The following PIK3CD variants were observed in gnomAD, a reference collection of about 807,000 sequenced individuals.
PIK3CD encodes phosphatidylinositol 4,5-bisphosphate 3-kinase catalytic subunit delta isoform.
PIK3CD carries 20 observed loss-of-function variants against 122.9 expected under a neutral mutation model. That is an observed-to-expected ratio of 0.16 (90% confidence interval 0.11 to 0.24). The LOEUF is 0.24. Among genes scored for constraint, PIK3CD ranks in the 10% least tolerant of loss-of-function variants. PIK3CD has a pLI of 1.00. For synonymous variants in PIK3CD, 596 were observed against 593.4 expected, an observed-to-expected ratio of 1.00 and a Z score of -0.06; for missense variants, 787 against 1,406.3, an observed-to-expected ratio of 0.56 and a Z score of 7.04.
chr1:9,707,636 T>C (rs1399267304), intron 2 of PIK3CD, among the ~76,000 whole-genome samples: 1 of 152,088 alleles, frequency 6.6e-6, no homozygotes, highest in Non-Finnish European at 1.5e-5. Context: ...CTACATTAGT[T>C]TGCTGAGGAT....
rs552320344 is a variant in PIK3CD, at chr1:9,727,416, G to C, written c.*370G>C. ...GACTGCCTGGGTCCTGGCGCCTGGCGGTCACCTGGTGCCTACTGTCCGACA... is the reference window on the plus strand; with the variant it reads ...GACTGCCTGGGTCCTGGCGCCTGGCCGTCACCTGGTGCCTACTGTCCGACA... On this transcript the variant is annotated 3_prime_UTR_variant, in exon 24 of 24. Transcript: ENST00000377346. 4.8e-6 allele frequency: 2 copies of C among 414,718 alleles called. No homozygotes were observed. Among genetic ancestry groups the C allele is most frequent in the African/African-American group, 2.0e-5 (1 of 49,670 alleles). The allele number at this position is 414,718 out of a possible 1,614,324, so 25.7% of individuals were successfully genotyped here.
intron 2 of PIK3CD, among the ~76,000 whole-genome samples, chr1:9,699,392 C>T (rs776104888): frequency 7.2e-5 from 11 of 152,150 alleles, no homozygotes; most frequent in Non-Finnish European, 1.0e-4. Context: ...CCCACAGCAG[C>T]CAAAGCCATC....
At chr1:9,692,261 T>A (rs535181253) in intron 2 of PIK3CD, among the ~76,000 whole-genome samples, 1 of 152,220 alleles carries the variant, frequency 6.6e-6, no homozygotes, top group East Asian at 1.9e-4. Context: ...ACATATTCTG[T>A]GTGTACCCAG....
chr1:9,702,819 T>G (rs1317554459), intron 2 of PIK3CD, among the ~76,000 whole-genome samples: 1 of 151,998 alleles, frequency 6.6e-6, no homozygotes, highest in African/African-American at 2.4e-5. Flanking sequence ...CCGTGCCCGG[T>G]CAGGGAAAGA....
At chr1:9,725,669 G>T (rs1310453459) in intron 23 of PIK3CD, among the ~76,000 whole-genome samples, 1 of 152,016 alleles carries the variant, frequency 6.6e-6, no homozygotes, top group Non-Finnish European at 1.5e-5. Context: ...ACGAGGTCAG[G>T]AGTTCGAGAT....
At chr1:9,658,444 TGGTTTTAGGG>T (rs1475972440) in intron 1 of PIK3CD, among the ~76,000 whole-genome samples, 2 of 129,380 alleles carry the variant, frequency 1.5e-5, no homozygotes, top group East Asian at 4.9e-4. Flanking sequence ...GGTGAGGTGG[TGGTTTTAGGG>T]GGATTGCCAC....
intron 2 of PIK3CD, among the ~76,000 whole-genome samples, chr1:9,708,218 C>CT (rs1198287352): frequency 6.6e-6 from 1 of 151,852 alleles, no homozygotes; most frequent in Non-Finnish European, 1.5e-5. Context: ...CAGTCTCACT[C>CT]TGTCATCCAG....
intron 1 of PIK3CD, among the ~76,000 whole-genome samples, chr1:9,667,516 A>G (rs535828890): frequency 6.6e-6 from 1 of 151,870 alleles, no homozygotes; most frequent in Non-Finnish European, 1.5e-5. Flanking sequence ...AGCTGGGACC[A>G]CAGGCTCACG....
chr1:9,691,882 C>G (rs1471272919), intron 2 of PIK3CD: 1 of 246,850 alleles, frequency 4.1e-6, no homozygotes, highest in Non-Finnish European at 7.7e-6. Context: ...TTGACTCACA[C>G]TGGCCACGGT....
intron 1 of PIK3CD, among the ~76,000 whole-genome samples, chr1:9,683,708 C>T (rs1645859407): frequency 6.6e-6 from 1 of 152,082 alleles, no homozygotes; most frequent in Non-Finnish European, 1.5e-5. Flanking sequence ...CCAAGCTCAG[C>T]GGTATAAAGC....
rs1168641933 is a variant in PIK3CD, at chr1:9,724,706, AG to A, written c.2865-96del. ...GTCCACCCATTATCAGGGCAAGGGC[AG>A]GTGTCCTTGGGGAAGGGGCTGGTTG... is the stretch of plus-strand genomic sequence containing the variant. On this transcript the variant is annotated intron_variant, in intron 22 of 23. Transcript: ENST00000377346. This position sits in a 1 kb window ranked among gnomAD's most constrained non-coding sequence, Gnocchi z 7.3. 6.8e-7 allele frequency: 1 copy of A among 1,477,320 alleles called. No homozygotes were observed. The highest frequency in any genetic ancestry group is 1.7e-5 in the Admixed American group (1 of 59,848). 91.5% of individuals were successfully genotyped at this position (1,477,320 alleles called of 1,614,324 possible). A position where few individuals can be genotyped will look rare whatever the true frequency, so the allele number is the denominator to read the frequency against.
At chr1:9,702,541 G>T (rs1319690782) in intron 2 of PIK3CD, among the ~76,000 whole-genome samples, 1 of 17,574 alleles carries the variant, frequency 5.7e-5, no homozygotes, top group African/African-American at 1.7e-4. Flanking sequence ...TTTTTTTGAG[G>T]CAGAGTTTTG....
intron 1 of PIK3CD, among the ~76,000 whole-genome samples, chr1:9,675,229 C>A (rs1358473260): frequency 2.0e-5 from 3 of 149,796 alleles, no homozygotes; most frequent in Non-Finnish European, 3.0e-5. Flanking sequence ...ACTAAAAATA[C>A]AAAAAAATTA....
intron 2 of PIK3CD, among the ~76,000 whole-genome samples, chr1:9,695,928 G>A (rs1449498579): frequency 6.6e-6 from 1 of 150,528 alleles, no homozygotes; most frequent in Non-Finnish European, 1.5e-5. Flanking sequence ...TAATTCTGAG[G>A]GAAATTAATT....
chr1:9,638,093 C>T, the PIK3CD span, among the ~76,000 whole-genome samples: 2 of 151,058 alleles, frequency 1.3e-5, no homozygotes, highest in African/African-American at 4.9e-5. Context: ...GGCAACAGAG[C>T]GAGACTCTGT....
rs1348145491 is a variant in PIK3CD, at chr1:9,670,619, G to A, written c.-138+18817G>A. Among the ~76,000 whole-genome samples, 4 of 152,102 alleles carry A rather than the reference G, an allele frequency of 2.6e-5. No homozygotes were observed. The East Asian group carries it at 5.8e-4, about 22-fold the overall frequency. On this transcript the variant is annotated intron_variant, in intron 1 of 23. Transcript: ENST00000377346. Reference sequence around the variant, plus strand: ...ATAGTACCTCTTTGACTGGATTGTCGTAGAGATGTCGTAAAGATTGGAAAT... The same window carrying A: ...ATAGTACCTCTTTGACTGGATTGTCATAGAGATGTCGTAAAGATTGGAAAT...
intron 2 of PIK3CD, among the ~76,000 whole-genome samples, chr1:9,705,175 A>T (rs1646781324): frequency 1.3e-5 from 2 of 151,968 alleles, no homozygotes; most frequent in Admixed American, 1.3e-4. Context: ...AACATTAAAA[A>T]CTTCTACTCA....
chr1:9,717,711 A>G lies in PIK3CD; in HGVS notation c.1020+85A>G. On this transcript the variant is annotated intron_variant, in intron 8 of 23. Coordinates refer to ENST00000377346, the MANE Select transcript of PIK3CD (RefSeq NM_005026.5). This position sits in a 1 kb window ranked among gnomAD's most constrained non-coding sequence, Gnocchi z 5.4. Reference sequence around the variant, plus strand: ...ATCCTGGAGGGGTAGCAGAGGAAGGAGGGGGATCACATGAAAGCCACCTGA... The same window carrying G: ...ATCCTGGAGGGGTAGCAGAGGAAGGGGGGGGATCACATGAAAGCCACCTGA... 8.0e-7 allele frequency: 1 copy of G among 1,245,012 alleles called. No homozygotes were observed. The highest frequency in any genetic ancestry group is 1.2e-6 in the Non-Finnish European group (1 of 860,724). The allele number at this position is 1,245,012 out of a possible 1,614,324, so 77.1% of individuals were successfully genotyped here.
intron 1 of PIK3CD, among the ~76,000 whole-genome samples, chr1:9,674,422 G>A (rs1018189916): frequency 1.3e-5 from 2 of 152,174 alleles, no homozygotes; most frequent in African/African-American, 4.8e-5. Context: ...GCTCATGCCT[G>A]TAACCCCAGC....
Sources: allele counts gnomAD v4.1 joint callset (sites outside exome capture counted in the v4.1 genomes callset), GRCh38; gene constraint gnomAD v4.1.1; non-coding constraint Gnocchi (gnomAD v3.1); transcripts MANE v1.5; gene names NCBI Gene and HGNC (gene_info 2026-07-23, HGNC 2026-07-21).